Variants in SEZ6L observed in about 807,000 individuals in gnomAD.
The protein encoded by SEZ6L is seizure related 6 homolog like, also known as seizure 6-like protein.
In SEZ6L, 37 loss-of-function variants were observed where a neutral mutation model predicts 106.2. The ratio of observed to expected loss-of-function variants is 0.35; its 90% CI spans 0.27 to 0.46. The LOEUF (loss-of-function observed/expected upper bound fraction) is 0.46. Ranked by LOEUF, SEZ6L falls within the 20% of genes least tolerant of loss-of-function variation. SEZ6L has a pLI of 1.00. For synonymous variants in SEZ6L, 541 were observed against 570.4 expected, an observed-to-expected ratio of 0.95 and a Z score of 0.73; for missense variants, 1,172 against 1,332.8, an observed-to-expected ratio of 0.88 and a Z score of 1.88.
chr22:26,184,764 GAAA>G (rs1174897826), intron 1 of SEZ6L, among the ~76,000 whole-genome samples: 1 of 151,858 alleles, frequency 6.6e-6, no homozygotes, highest in African/African-American at 2.4e-5. Flanking sequence ...TACAATAAAA[GAAA>G]AAAAAGTTTA....
chr22:26,310,259 G>A (rs965729971), intron 6 of SEZ6L, among the ~76,000 whole-genome samples: 4 of 152,240 alleles, frequency 2.6e-5, no homozygotes, highest in African/African-American at 9.6e-5. Context: ...GTCAGGACTG[G>A]GCGTGGTGGC....
At chr22:26,380,173 A>G (rs2084369194) in intron 16 of SEZ6L, 93 bp from the exon 17 acceptor site, 2 of 1,220,396 alleles carry the variant, frequency 1.6e-6, no homozygotes, top group Admixed American at 1.8e-5. Context: ...GACCAAGGGC[A>G]TGGACATACA....
rs1287300130 is a variant in SEZ6L, at chr22:26,240,080, ACACACACACACT to A, written c.95-52314_95-52303del. ...TACACACATACAGACACACACACACACACACACACACTCACACACACACACACACACACACAC... is the reference window on the plus strand; with the variant it reads ...TACACACATACAGACACACACACACACACACACACACACACACACACACAC... On this transcript the variant is annotated intron_variant, in intron 1 of 16. Transcript: ENST00000248933. 5.1e-3 allele frequency among the ~76,000 whole-genome samples: 715 copies of A among 141,578 alleles called. 9 individuals are homozygous for A. Among genetic ancestry groups the A allele is most frequent in the East Asian group, 0.026 (104 of 3,952 alleles). The allele number at this position is 141,578 out of a possible 152,430, so 92.9% of individuals were successfully genotyped here.
Position 26,292,629 on chromosome 22 carries a change from G to A in SEZ6L, c.318G>A (p.Glu106=). 6.2e-7 allele frequency: 1 copy of A among 1,613,192 alleles called. No individual in the cohort carries two copies. The highest frequency in any genetic ancestry group is 8.5e-7 in the Non-Finnish European group (1 of 1,179,752). The change falls in exon 2 of 17, where the codon GAG becomes GAA. Residue 106 remains glutamate, a synonymous_variant. Transcript: ENST00000248933. The part of the protein sequence containing the change: ...IPALSPLLPE[E]ARPKHALPPK... ...CCCTGTCACCGCTGCTTCCAGAGGA[G>A]GCCCGCCCCAAGCACGCCTTGCCCC...
chr22:26,210,168 TC>T (rs1349051234), intron 1 of SEZ6L, among the ~76,000 whole-genome samples: 2 of 152,130 alleles, frequency 1.3e-5, no homozygotes, highest in African/African-American at 2.4e-5. Flanking sequence ...ACCATGGCCC[TC>T]CCCCTGCCCT....
chr22:26,340,742 T>C, intron 10 of SEZ6L, 110 bp downstream of exon 10: 3 of 913,090 alleles, frequency 3.3e-6, no homozygotes, highest in Non-Finnish European at 4.9e-6. Flanking sequence ...TTTCATTGTA[T>C]TGTATTGAAA....
At chr22:26,211,606 A>C (rs73879852) in intron 1 of SEZ6L, among the ~76,000 whole-genome samples, 2,222 of 152,180 alleles carry the variant, frequency 0.015, 54 homozygotes, top group African/African-American at 0.051. Context: ...AGAAATCAAG[A>C]AAGTGATGGT....
intron 1 of SEZ6L, among the ~76,000 whole-genome samples, chr22:26,280,948 A>G (rs1437173918): frequency 6.6e-6 from 1 of 152,212 alleles, no homozygotes; most frequent in East Asian, 1.9e-4. Context: ...TTAAGGATAT[A>G]ATACATTGTT....
intron 1 of SEZ6L, among the ~76,000 whole-genome samples, chr22:26,292,038 T>A (rs73158609): frequency 0.18 from 5,782 of 31,398 alleles, 361 homozygotes; most frequent in African/African-American, 0.38. Flanking sequence ...GAAGGAAGGA[T>A]GGATGGAAGG....
At chr22:26,241,984 T>A (rs2079151653) in intron 1 of SEZ6L, among the ~76,000 whole-genome samples, 1 of 152,212 alleles carries the variant, frequency 6.6e-6, no homozygotes, top group Admixed American at 6.5e-5. Context: ...CAGAGGCTCA[T>A]GGAAAACTGA....
chr22:26,245,042 G>T (rs1030392609), intron 1 of SEZ6L, among the ~76,000 whole-genome samples: 1 of 152,166 alleles, frequency 6.6e-6, no homozygotes, highest in African/African-American at 2.4e-5. Context: ...GGGGACCAGA[G>T]GCAAGGAAGC....
chr22:26,260,944 A>T (rs1007458059), intron 1 of SEZ6L, among the ~76,000 whole-genome samples: 22 of 152,210 alleles, frequency 1.4e-4, no homozygotes, highest in African/African-American at 4.6e-4. Context: ...GTAAGATGGT[A>T]TTGCATTGTG....
chr22:26,228,511 C>T (rs2078702439), intron 1 of SEZ6L, among the ~76,000 whole-genome samples: 2 of 152,134 alleles, frequency 1.3e-5, no homozygotes, highest in African/African-American at 2.4e-5. Flanking sequence ...CAATGGGTAC[C>T]CAGTGGAGAA....
intron 9 of SEZ6L, among the ~76,000 whole-genome samples, chr22:26,340,194 A>G (rs1292345461): frequency 6.6e-6 from 1 of 152,150 alleles, no homozygotes; most frequent in African/African-American, 2.4e-5. Context: ...TGAGAGTGCC[A>G]CTGCACTCTA....
chr22:26,199,120 G>T (rs998557796), intron 1 of SEZ6L, among the ~76,000 whole-genome samples: 1 of 152,188 alleles, frequency 6.6e-6, no homozygotes, highest in African/African-American at 2.4e-5. Flanking sequence ...GAAAATTGAG[G>T]CCTAAAGAAT....
At chr22:26,207,243 C>T (rs900318962) in intron 1 of SEZ6L, among the ~76,000 whole-genome samples, 1 of 152,182 alleles carries the variant, frequency 6.6e-6, no homozygotes, top group Non-Finnish European at 1.5e-5. Flanking sequence ...ATTCATCTTG[C>T]TTTGACACCA....
At chr22:26,260,856 G>T (rs1476009722) in intron 1 of SEZ6L, among the ~76,000 whole-genome samples, 1 of 152,138 alleles carries the variant, frequency 6.6e-6, no homozygotes, top group African/African-American at 2.4e-5. Context: ...CAGCAGTGTA[G>T]AAGTGTCCCC....
intron 9 of SEZ6L, among the ~76,000 whole-genome samples, chr22:26,321,307 T>G (rs917150540): frequency 6.6e-6 from 1 of 152,224 alleles, no homozygotes; most frequent in Non-Finnish European, 1.5e-5. Context: ...CCACTTGCCA[T>G]GTCTCCAGGA....
chr22:26,171,028 C>G (rs995845488), intron 1 of SEZ6L, among the ~76,000 whole-genome samples: 2 of 152,224 alleles, frequency 1.3e-5, no homozygotes, highest in Non-Finnish European at 2.9e-5. Context: ...CTCTGGGTCC[C>G]TTTCCCTTCA....
Sources: gnomAD v4.1 joint callset for allele counts (sites outside exome capture counted in the v4.1 genomes callset) on GRCh38, gnomAD v4.1.1 for gene constraint, MANE v1.5 for transcripts, NCBI Gene and HGNC (gene_info 2026-07-23, HGNC 2026-07-21) for gene names.